The following KMT2D variants were observed in gnomAD, a reference collection of about 807,000 sequenced individuals.
KMT2D encodes lysine methyltransferase 2D.
Under a neutral mutation model 512.7 loss-of-function variants are expected in KMT2D, and 55 were observed. That is an observed-to-expected ratio of 0.11 (90% confidence interval 0.09 to 0.13). The LOEUF (loss-of-function observed/expected upper bound fraction) is 0.13. KMT2D is among the 10% of genes least tolerant of loss of function. KMT2D has a pLI of 1.00. For synonymous variants in KMT2D, 2,995 were observed against 2,904.0 expected (o/e 1.03, Z -1.01); for missense variants, 6,061 against 7,127.9 (o/e 0.85, Z 5.39).
rs2120652019 is a variant in KMT2D, at chr12:49,050,526, G to C, written c.3062C>G (p.Pro1021Arg). ...PASPILMEPL[P>R]PQCSPLLQHS... ...CTGAAGGAGTGGCGAACACTGAGGA[G>C]GAAGGGGCTCCATCAGGATGGGAGA... Residue 1021 changes from proline to arginine, a missense_variant, in exon 12 of 55, where the codon CCT (proline) becomes CGT (arginine). By Grantham distance (103) the Pro-to-Arg change is moderately radical. Transcript: ENST00000301067. The C allele has an allele frequency of 5.6e-6, 9 of 1,609,144 alleles. No individual in the cohort carries two copies. In the South Asian group the frequency reaches 7.7e-5, roughly 14 times the overall value.
In KMT2D at chr12:49,046,195, G is replaced by A. The variant is rs748426997; in HGVS notation, c.4584-21C>T. On this transcript the variant is annotated intron_variant, in intron 17 of 54. Coordinates refer to ENST00000301067, the MANE Select transcript of KMT2D (RefSeq NM_003482.4). This position sits in a 1 kb window ranked among gnomAD's most constrained non-coding sequence, Gnocchi z 4.2. ...TCCACCTGGAGAACAGAGACTGGAG[G>A]AAATAAGCTCAGGCAATGCGAGGCT... 1.2e-6 allele frequency: 2 copies of A among 1,612,364 alleles called. No individual in the cohort carries two copies. Among genetic ancestry groups the A allele is most frequent in the Admixed American group, 1.7e-5 (1 of 59,668 alleles).
intron 35 of KMT2D, 56 bp downstream of exon 35, chr12:49,037,069 T>G: frequency 6.6e-7 from 1 of 1,518,028 alleles, no homozygotes; most frequent in Non-Finnish European, 8.8e-7. Context: ...CAGTGCCCAT[T>G]TAGGGATAAC....
chr12:49,034,092 C>T lies in KMT2D; in HGVS notation c.10715G>A (p.Ser3572Asn), dbSNP rs778858430. ...EKLKLVTEQQ[S>N]KIQKQLDQVR... is the part of the protein sequence containing the mutation. ...CTGATCCAGTTGTTTCTGGATCTTG[C>T]TCTGCTGCTCTGTAACCAGCTTGAG... The change falls in exon 39 of 55, where the codon AGC becomes AAC. Residue 3572 changes from serine to asparagine, a missense_variant. Ser to Asn is a conservative substitution (Grantham distance 46). Coordinates refer to ENST00000301067, the MANE Select transcript of KMT2D (RefSeq NM_003482.4). 2 of 1,612,746 alleles carry T rather than the reference C, an allele frequency of 1.2e-6. No individual in the cohort carries two copies. Among genetic ancestry groups the T allele is most frequent in the Non-Finnish European group, 8.5e-7 (1 of 1,179,872 alleles).
Position 49,033,883 on chromosome 12 carries a change from G to C in KMT2D, c.10822C>G (p.Gln3608Glu). The C allele has an allele frequency of 6.8e-7, 1 of 1,472,930 alleles. No homozygotes were observed. The highest frequency in any genetic ancestry group is 9.2e-7 in the Non-Finnish European group (1 of 1,090,830). The allele number at this position is 1,472,930 out of a possible 1,614,324, so 91.2% of individuals were successfully genotyped here. ...ACAGCTGAGTGCTGTTGCTGTTGTTGCTGCTGCTGCTGCTGTTGTTGCTGC... is the reference window on the plus strand; with the variant it reads ...ACAGCTGAGTGCTGTTGCTGTTGTTCCTGCTGCTGCTGCTGTTGTTGCTGC... ...KQQQQQQQQQ[Q>E]QQQQHSAVLA... Residue 3608 changes from glutamine to glutamate, a missense_variant, in exon 40 of 55, where the codon CAA becomes GAA. By Grantham distance (29) the Gln-to-Glu change is conservative. Transcript: ENST00000301067.
chr12:49,046,245 A>T lies in KMT2D; in HGVS notation c.4583+15T>A, dbSNP rs2120603269. ...TGGCAACAGGGCCAAAGTGAGGAGAAAGGGATGTTCTCACCGTTCACAGTG... is the reference window on the plus strand; with the variant it reads ...TGGCAACAGGGCCAAAGTGAGGAGATAGGGATGTTCTCACCGTTCACAGTG... On this transcript the variant is annotated intron_variant, in intron 17 of 54. Coordinates refer to ENST00000301067, the MANE Select transcript of KMT2D (RefSeq NM_003482.4). This position sits in a 1 kb window ranked among gnomAD's most constrained non-coding sequence, Gnocchi z 4.2. 1 of 1,613,952 alleles carries T rather than the reference A, an allele frequency of 6.2e-7. No individual in the cohort carries two copies. The highest frequency in any genetic ancestry group is 8.5e-7 in the Non-Finnish European group (1 of 1,179,836).
At position 49,052,048 on chromosome 12, in the gene KMT2D, C is replaced by G. The variant is rs771587669; in HGVS notation, c.1635G>C (p.Leu545=). The G allele has an allele frequency of 1.2e-6, 2 of 1,612,406 alleles. No homozygotes were observed. The highest frequency in any genetic ancestry group is 1.7e-6 in the Non-Finnish European group (2 of 1,179,422). ...PLSPPPEASP[L]SPPFEESPLS... ...AAGGAGATTCTTCAAATGGTGGGGACAGGGGCGATGCTTCAGGTGGTGGGG... is the reference window on the plus strand; with the variant it reads ...AAGGAGATTCTTCAAATGGTGGGGAGAGGGGCGATGCTTCAGGTGGTGGGG... Residue 545 remains leucine (L), a synonymous_variant, in exon 11 of 55, where the codon CTG becomes CTC. Transcript: ENST00000301067.
chr12:49,041,583 C>A lies in KMT2D; in HGVS notation c.6235-48G>T. On this transcript the variant is annotated intron_variant, in intron 31 of 54. Coordinates refer to ENST00000301067, the MANE Select transcript of KMT2D (RefSeq NM_003482.4). The surrounding 1 kb of genome is among the most constrained non-coding windows in gnomAD (Gnocchi z 5.4). Reference sequence around the variant, plus strand: ...GGGCAGTCAGGCTGCTGCAGGCAGGCCCCATGGCCCTCCACCCTCAAGAGA... The same window carrying A: ...GGGCAGTCAGGCTGCTGCAGGCAGGACCCATGGCCCTCCACCCTCAAGAGA... 1 of 1,612,274 alleles carries A rather than the reference C, an allele frequency of 6.2e-7. No individual in the cohort carries two copies. The highest frequency in any genetic ancestry group is 8.5e-7 in the Non-Finnish European group (1 of 1,179,038).
chr12:49,030,282 C>T lies in KMT2D; in HGVS notation c.13997G>A (p.Arg4666Lys). 2.5e-6 allele frequency: 4 copies of T among 1,599,614 alleles called. No individual in the cohort carries two copies. The South Asian group carries it at 3.4e-5, about 14-fold the overall frequency. ...GGTGGCATCTGCTCTTGACTTACCC[C>T]TCAGTGCCCTTTCACTATCCCGGGC... ...ASARDSERAL[R>K]DTSEVKSLDL... Residue 4666 changes from arginine to lysine, a missense_variant and splice_region_variant, in exon 43 of 55, where the codon AGG becomes AAG. Around this residue, in one of 16 missense-constraint regions of KMT2D, gnomAD observed 1,600 missense variants for 1,754.9 expected, o/e 0.91. Coordinates refer to ENST00000301067, the MANE Select transcript of KMT2D (RefSeq NM_003482.4).
At chr12:49,031,116 C>A (rs1942885024) in intron 40 of KMT2D, 59 bp downstream of exon 40, 1 of 1,609,954 alleles carries the variant, frequency 6.2e-7, no homozygotes, top group Non-Finnish European at 8.5e-7. Flanking sequence ...CTCACTCATT[C>A]TGCCCCCCGC....
At chr12:49,036,720 G>A (rs994579236) in intron 35 of KMT2D, among the ~76,000 whole-genome samples, 1 of 151,980 alleles carries the variant, frequency 6.6e-6, no homozygotes, top group African/African-American at 2.4e-5. Flanking sequence ...GGCTGGTCTT[G>A]AACTCCTGAT....
At position 49,033,578 on chromosome 12, in the gene KMT2D, G is replaced by C. The variant is rs780547684; in HGVS notation, c.11127C>G (p.Leu3709=). 1 of 1,613,528 alleles carries C rather than the reference G, an allele frequency of 6.2e-7. No homozygotes were observed. Among genetic ancestry groups the C allele is most frequent in the Non-Finnish European group, 8.5e-7 (1 of 1,179,800 alleles). Residue 3709 remains leucine (L), a synonymous_variant, in exon 40 of 55, where the codon CTC becomes CTG. Transcript: ENST00000301067. The stretch of plus-strand genomic sequence containing the variant: ...CCTGTAAAAGCCTTGAATCAGGTCC[G>C]AGGCTTCGAAGAGCAAGGTTGCCAG... ...FFPGNLALRS[L]GPDSRLLQER...
chr12:49,022,481 C>A lies in KMT2D; in HGVS notation c.16338+109G>T. ...CATGTACTTCATTTCTCCTGCCTTT[C>A]CCTTCTCCCCACCACAGCTTTCCTC... On this transcript the variant is annotated intron_variant, in intron 52 of 54. Coordinates refer to ENST00000301067, the MANE Select transcript of KMT2D (RefSeq NM_003482.4). This position sits in a 1 kb window ranked among gnomAD's most constrained non-coding sequence, Gnocchi z 8.6. The A allele has an allele frequency of 6.6e-7, 1 of 1,513,440 alleles. No homozygotes were observed. 93.8% of individuals were successfully genotyped at this position (1,513,440 alleles called of 1,614,324 possible).
Position 49,042,159 on chromosome 12 carries a change from G to A in KMT2D, c.6039C>T (p.Gly2013=), listed in dbSNP as rs991902193. ...LQRWEKDEEL[G]QLSTISPVLY... ...GCACAGGTGAGATGGTGGACAGCTG[G>A]CCCAACTCCTCATCCTTCTCCCAGC... Residue 2013 remains glycine (G), a synonymous_variant, in exon 29 of 55, where the codon GGC becomes GGT. Transcript: ENST00000301067. The surrounding 1 kb of genome is among the most constrained non-coding windows in gnomAD (Gnocchi z 4.4). 1 of 1,613,008 alleles carries A rather than the reference G, an allele frequency of 6.2e-7. No homozygotes were observed.
At position 49,030,665 on chromosome 12, in the gene KMT2D, C is replaced by G; in HGVS notation, c.13775G>C (p.Arg4592Thr). The change falls in exon 42 of 55, where the codon AGG (arginine) becomes ACG (threonine). Residue 4592 changes from arginine to threonine, a missense_variant. Physicochemically the swap from Arg to Thr is moderately conservative, Grantham distance 71. This residue lies in a region of KMT2D where 1,600 missense variants were observed against 1,754.9 expected (regional missense o/e 0.91). Transcript: ENST00000301067. ...CAGCGCCCCACTTCCAAAGGCCCCC[C>G]TCAGCTGGCTCTGCCCATTGACTGG... is the stretch of plus-strand genomic sequence containing the variant. ...GCPVNGQSQL[R>T]GAFGSGALPT... 1 of 1,612,358 alleles carries G rather than the reference C, an allele frequency of 6.2e-7. No homozygotes were observed. The highest frequency in any genetic ancestry group is 8.5e-7 in the Non-Finnish European group (1 of 1,179,246).
chr12:49,034,042 T>C (rs1943091739), intron 39 of KMT2D, 25 bp downstream of exon 39: 1 of 1,603,210 alleles, frequency 6.2e-7, no homozygotes, highest in Admixed American at 1.7e-5. Flanking sequence ...TTCTGGGTGC[T>C]AGGCTGAAGT....
chr12:49,059,350 G>A (rs544845151), intron 1 of KMT2D, among the ~76,000 whole-genome samples: 1 of 152,190 alleles, frequency 6.6e-6, no homozygotes, highest in South Asian at 2.1e-4. Context: ...AAATAAACAG[G>A]CAGAGAGGCT....
Position 49,046,577 on chromosome 12 carries a change from C to T in KMT2D, c.4418+32G>A, listed in dbSNP as rs1254900941. The T allele has an allele frequency of 6.3e-6, 10 of 1,596,878 alleles. No homozygotes were observed. Among genetic ancestry groups the T allele is most frequent in the East Asian group, 2.2e-5 (1 of 44,672 alleles). ...TATCCACTTTAACATCTCAAGGCCC[C>T]AGGGCTCCACTGAAGATCCCAGTCT... On this transcript the variant is annotated intron_variant, in intron 16 of 54. Transcript: ENST00000301067. This position sits in a 1 kb window ranked among gnomAD's most constrained non-coding sequence, Gnocchi z 4.2.
At chr12:49,035,025 C>T (rs565751090) in intron 35 of KMT2D, 90 bp from the exon 36 acceptor site, 9 of 1,516,520 alleles carry the variant, frequency 5.9e-6, no homozygotes, top group East Asian at 4.6e-5. Flanking sequence ...ACTTCAACCA[C>T]GCCAGGCAGA....
At position 49,021,517 on chromosome 12, in the gene KMT2D, G is replaced by A. The variant is rs963909956; in HGVS notation, c.*263C>T. 1 of 519,204 alleles carries A rather than the reference G, an allele frequency of 1.9e-6. No homozygotes were observed. Among genetic ancestry groups the A allele is most frequent in the Non-Finnish European group, 3.4e-6 (1 of 290,170 alleles). 32.2% of individuals were successfully genotyped at this position (519,204 alleles called of 1,614,324 possible). ...CCCCTCAAACCTGAGATGCCCAATG[G>A]CTGCTTCTGTCTGGCCCCTCCTGGA... On this transcript the variant is annotated 3_prime_UTR_variant, in exon 55 of 55. Transcript: ENST00000301067.
Sources: gnomAD v4.1 joint callset for allele counts (sites outside exome capture counted in the v4.1 genomes callset) on GRCh38, gnomAD v4.1.1 for gene constraint, gnomAD v4.1.1 regional missense constraint, Gnocchi (gnomAD v3.1) non-coding constraint, MANE v1.5 for transcripts, NCBI Gene and HGNC (gene_info 2026-07-23, HGNC 2026-07-21) for gene names.